The following ZNF892 variants were observed in gnomAD, a reference collection of about 807,000 sequenced individuals.
ZNF892 encodes the protein zinc finger protein 892.
chr2:95,220,439 G>A, the ZNF892 span, among the ~76,000 whole-genome samples: 2 of 151,244 alleles, frequency 1.3e-5, no homozygotes, highest in Non-Finnish European at 2.9e-5. Context: ...CAATAAGAAA[G>A]CCCAAGAAAG....
At chr2:95,217,235 C>T in the ZNF892 span, among the ~76,000 whole-genome samples, 1 of 152,152 alleles carries the variant, frequency 6.6e-6, no homozygotes, top group Admixed American at 6.5e-5. Flanking sequence ...CCCTTATTAC[C>T]TCATTTAACC....
chr2:95,222,048 C>CA, the ZNF892 span, among the ~76,000 whole-genome samples: 1 of 152,144 alleles, frequency 6.6e-6, no homozygotes, highest in Non-Finnish European at 1.5e-5. Flanking sequence ...AGACTTGTGT[C>CA]ACCATCACCA....
the ZNF892 span, among the ~76,000 whole-genome samples, chr2:95,210,261 A>ATG: frequency 6.6e-6 from 1 of 150,456 alleles, no homozygotes; most frequent in Non-Finnish European, 1.5e-5. Flanking sequence ...GTGTATATAT[A>ATG]TGTGTGTGTA....
chr2:95,238,452 C>G, the ZNF892 span, among the ~76,000 whole-genome samples: 1 of 152,188 alleles, frequency 6.6e-6, no homozygotes, highest in East Asian at 1.9e-4. Context: ...GACAGTGCAC[C>G]TAAACACCTC....
chr2:95,230,336 C>T, the ZNF892 span, among the ~76,000 whole-genome samples: 1 of 151,974 alleles, frequency 6.6e-6, no homozygotes, highest in Non-Finnish European at 1.5e-5. Context: ...ATCCATGTAA[C>T]CAAACACTAC....
the ZNF892 span, among the ~76,000 whole-genome samples, chr2:95,236,009 T>G: frequency 4.3e-4 from 66 of 152,210 alleles, 1 homozygote; most frequent in Admixed American, 9.2e-4. Context: ...TTGGGCCCAC[T>G]AGGAAGTAGC....
the ZNF892 span, among the ~76,000 whole-genome samples, chr2:95,238,222 T>C: frequency 1.4e-4 from 21 of 152,350 alleles, no homozygotes; most frequent in African/African-American, 5.0e-4. Flanking sequence ...GACTCTCTTG[T>C]TAGGGCTAAT....
the ZNF892 span, among the ~76,000 whole-genome samples, chr2:95,206,953 T>C: frequency 6.6e-6 from 1 of 152,168 alleles, no homozygotes; most frequent in South Asian, 2.1e-4. Flanking sequence ...AGGTTAGGGA[T>C]TTCAGCAAGA....
the ZNF892 span, among the ~76,000 whole-genome samples, chr2:95,208,427 T>C: frequency 5.9e-5 from 9 of 152,226 alleles, no homozygotes; most frequent in African/African-American, 1.4e-4. Flanking sequence ...TTAATTTATA[T>C]GTCCAGATGC....
chr2:95,206,423 C>T, the ZNF892 span, among the ~76,000 whole-genome samples: 1 of 151,988 alleles, frequency 6.6e-6, no homozygotes, highest in South Asian at 2.1e-4. Flanking sequence ...CTTTCGGCCC[C>T]GAGGAAGGGA....
chr2:95,225,917 G>C, the ZNF892 span, among the ~76,000 whole-genome samples: 3 of 152,216 alleles, frequency 2.0e-5, no homozygotes, highest in Non-Finnish European at 4.4e-5. Context: ...AAAGAGAGGA[G>C]ATCCTAAGCA....
the ZNF892 span, among the ~76,000 whole-genome samples, chr2:95,229,550 A>C: frequency 6.6e-6 from 1 of 152,202 alleles, no homozygotes; most frequent in African/African-American, 2.4e-5. Flanking sequence ...TATTTAAATA[A>C]GATCCTGTAG....
the ZNF892 span, among the ~76,000 whole-genome samples, chr2:95,239,794 CT>C: frequency 6.6e-6 from 1 of 151,998 alleles, no homozygotes; most frequent in Non-Finnish European, 1.5e-5. Context: ...CACCCAGCTA[CT>C]TTTTTTGTAT....
chr2:95,208,151 G>C, the ZNF892 span, among the ~76,000 whole-genome samples: 2 of 152,224 alleles, frequency 1.3e-5, no homozygotes. Flanking sequence ...TTGGAAGGTA[G>C]GGAAAGCAGG....
At chr2:95,221,610 G>A in the ZNF892 span, among the ~76,000 whole-genome samples, 1 of 152,202 alleles carries the variant, frequency 6.6e-6, no homozygotes, top group Non-Finnish European at 1.5e-5. Context: ...TTCTAAAAAT[G>A]TATCCTTTTT....
the ZNF892 span, among the ~76,000 whole-genome samples, chr2:95,247,879 A>G: frequency 2.0e-5 from 3 of 152,202 alleles, no homozygotes; most frequent in African/African-American, 7.2e-5. Flanking sequence ...ATGCTTATAC[A>G]CTGCTGGTGG....
chr2:95,250,750 C>T, the ZNF892 span, among the ~76,000 whole-genome samples: 1 of 139,526 alleles, frequency 7.2e-6, no homozygotes, highest in Non-Finnish European at 1.5e-5. Context: ...TATAAAATAT[C>T]CATAAATTAT....
At chr2:95,214,493 T>G in the ZNF892 span, 1 of 398,498 alleles carries the variant, frequency 2.5e-6, no homozygotes, top group East Asian at 3.6e-5. Flanking sequence ...ATGAGAAACA[T>G]TTAATACAAG....
At chr2:95,209,181 T>C in the ZNF892 span, among the ~76,000 whole-genome samples, 1 of 152,082 alleles carries the variant, frequency 6.6e-6, no homozygotes, top group South Asian at 2.1e-4. Context: ...AATCTGTACT[T>C]TGAAAAACAA....
Sources: allele counts gnomAD v4.1 joint callset (sites outside exome capture counted in the v4.1 genomes callset), GRCh38; gene constraint gnomAD v4.1.1; transcripts MANE v1.5; gene names NCBI Gene and HGNC (gene_info 2026-07-23, HGNC 2026-07-21).